Variants in MYLK observed in about 807,000 individuals in gnomAD.
MYLK encodes myosin light chain kinase, smooth muscle.
A neutral mutation model predicts 203.4 loss-of-function variants in MYLK; 106 were observed. That is an observed-to-expected ratio of 0.52 (90% CI 0.45 to 0.61). The LOEUF is 0.61. Among genes scored for constraint, MYLK ranks in the 20% least tolerant of loss-of-function variants. The pLI, the probability that MYLK is intolerant of heterozygous loss-of-function variation, is 0.00. For synonymous variants in MYLK, 867 were observed against 959.5 expected (o/e 0.90, Z 1.78); for missense variants, 2,072 against 2,442.3 (o/e 0.85, Z 3.20).
At chr3:123,761,751 C>T (rs998555704) in intron 4 of MYLK, among the ~76,000 whole-genome samples, 2 of 152,172 alleles carry the variant, frequency 1.3e-5, no homozygotes, top group African/African-American at 2.4e-5. Flanking sequence ...CTCGGCCAGA[C>T]GCAGTAGCTC....
chr3:123,708,683 G>A lies in MYLK; in HGVS notation c.2140+15C>T, dbSNP rs370641462. The A allele has an allele frequency of 3.3e-5, 53 of 1,613,936 alleles. No homozygotes were observed. In the African/African-American group the frequency reaches 6.3e-4, roughly 19 times the overall value. The stretch of plus-strand genomic sequence containing the variant: ...AGCATCTCCTTCCCACTCGCTCTGA[G>A]TGGGTCAGCCTCACCTTGTACCGTG... On this transcript the variant is annotated intron_variant, in intron 15 of 33. Transcript: ENST00000360304.
intron 20 of MYLK, 51 bp downstream of exon 20, chr3:123,682,173 G>A (rs41271435): frequency 2.1e-6 from 3 of 1,456,746 alleles, no homozygotes; most frequent in Non-Finnish European, 2.8e-6. Flanking sequence ...AGTCCCCGGG[G>A]TGCCTGCCCC....
Position 123,653,986 on chromosome 3 carries a change from T to TTGGGTGTGTGTGTGTGTGTG in MYLK, c.4288+3139_4288+3140insCACACACACACACACACCCA, listed in dbSNP as rs1553783586. Among the ~76,000 whole-genome samples the TTGGGTGTGTGTGTGTGTGTG allele has an allele frequency of 1.4e-4, 19 of 137,650 alleles. 1 individual carries two copies. Among genetic ancestry groups the TTGGGTGTGTGTGTGTGTGTG allele is most frequent in the Non-Finnish European group, 1.6e-5 (1 of 63,864 alleles). 90.3% of individuals were successfully genotyped at this position (137,650 alleles called of 152,430 possible). ...CCACTCTGCTCATTTCAGAGGGATG[T>TTGGGTGTGTGTGTGTGTGTG]TGTGTGTGTGTGTGTGTGTGTGTGT... On this transcript the variant is annotated intron_variant, in intron 24 of 33. Coordinates refer to ENST00000360304, the MANE Select transcript of MYLK (RefSeq NM_053025.4).
In MYLK at chr3:123,729,838, C is replaced by A. The variant is rs188838581; in HGVS notation, c.1516+3058G>T. On this transcript the variant is annotated intron_variant, in intron 11 of 33. Transcript: ENST00000360304. ...TTGAGGCAGCAATGAGCTATTATCA[C>A]GCCACTGCACTCCAGCCTGGGCAAC... Among the ~76,000 whole-genome samples the A allele has an allele frequency of 8.5e-4, 128 of 150,538 alleles. 1 individual carries two copies. The highest frequency in any genetic ancestry group is 2.9e-3 in the African/African-American group (117 of 40,822).
In MYLK at chr3:123,700,684, G is replaced by A; in HGVS notation, c.2784C>T (p.Asn928=). ...TCTTTGGCTTCACTTGCCGCTGCAG[G>A]TTGGCACGGAAATCCATCTGCTCGG... is the stretch of plus-strand genomic sequence containing the variant. The part of the protein sequence containing the change: ...IPAEQMDFRA[N]LQRQVKPKTV... The change falls in exon 18 of 34, where the codon AAC becomes AAT. Residue 928 remains asparagine, a synonymous_variant. Coordinates refer to ENST00000360304, the MANE Select transcript of MYLK (RefSeq NM_053025.4). The A allele has an allele frequency of 6.2e-7, 1 of 1,614,118 alleles. No homozygotes were observed. Among genetic ancestry groups the A allele is most frequent in the Non-Finnish European group, 8.5e-7 (1 of 1,180,030 alleles).
intron 2 of MYLK, among the ~76,000 whole-genome samples, chr3:123,853,065 G>C (rs547922374): frequency 6.6e-6 from 1 of 152,058 alleles, no homozygotes; most frequent in East Asian, 1.9e-4. Flanking sequence ...TGTCAAAAAA[G>C]CTCCTAAGAA....
chr3:123,791,079 T>TGAC (rs2109088665), intron 4 of MYLK, among the ~76,000 whole-genome samples: 1 of 152,284 alleles, frequency 6.6e-6, no homozygotes, highest in South Asian at 2.1e-4. Flanking sequence ...ACTGGTTCCG[T>TGAC]GACGATTGAG....
chr3:123,766,882 T>G (rs902493991), intron 4 of MYLK, among the ~76,000 whole-genome samples: 1 of 152,268 alleles, frequency 6.6e-6, no homozygotes, highest in Non-Finnish European at 1.5e-5. Flanking sequence ...GGACCCATTG[T>G]GAGCAAACCT....
rs550940591 is a variant in MYLK, at chr3:123,611,920, C to T, written c.*2185G>A. The T allele has an allele frequency of 3.3e-5, 5 of 152,568 alleles. No individual in the cohort carries two copies. Among genetic ancestry groups the T allele is most frequent in the South Asian group, 4.1e-4 (2 of 4,830 alleles). 9.5% of individuals were successfully genotyped at this position (152,568 alleles called of 1,614,324 possible). A position where few individuals can be genotyped will look rare whatever the true frequency, so the allele number is the denominator to read the frequency against. On this transcript the variant is annotated 3_prime_UTR_variant, in exon 34 of 34. Transcript: ENST00000360304. Reference sequence around the variant, plus strand: ...GATCTGACAGGAGGCAGAGCTCAGGCGGTAATGCGAGCAATGGGGATCGGC... The same window carrying T: ...GATCTGACAGGAGGCAGAGCTCAGGTGGTAATGCGAGCAATGGGGATCGGC...
chr3:123,661,879 G>A (rs549992367), intron 23 of MYLK, among the ~76,000 whole-genome samples: 29 of 152,142 alleles, frequency 1.9e-4, no homozygotes, highest in South Asian at 2.1e-4. Flanking sequence ...CTGGGGAGTC[G>A]GGCCAGGGTG....
intron 27 of MYLK, among the ~76,000 whole-genome samples, chr3:123,644,849 G>A (rs558068347): frequency 1.1e-4 from 17 of 152,258 alleles, no homozygotes; most frequent in Admixed American, 5.9e-4. Context: ...ATTCTTCACC[G>A]CGTCTTTTAT....
intron 3 of MYLK, among the ~76,000 whole-genome samples, chr3:123,818,266 C>G (rs143378506): frequency 6.6e-6 from 1 of 152,338 alleles, no homozygotes; most frequent in Admixed American, 6.5e-5. Context: ...ACAGGCATCA[C>G]TTATCCTTTA....
chr3:123,708,032 C>A, intron 15 of MYLK, 29 bp from the exon 16 acceptor site: 1 of 1,613,430 alleles, frequency 6.2e-7, no homozygotes, highest in African/African-American at 1.3e-5. Context: ...CAGAGCTAAA[C>A]AGGGATGTCC....
At chr3:123,732,856 C>T in intron 11 of MYLK, 40 bp downstream of exon 11, 1 of 1,592,922 alleles carries the variant, frequency 6.3e-7, no homozygotes, top group Non-Finnish European at 8.6e-7. Context: ...GAATGGTTGT[C>T]CCACAGAGAA....
chr3:123,686,172 G>A (rs1349725231), intron 19 of MYLK, among the ~76,000 whole-genome samples: 2 of 152,180 alleles, frequency 1.3e-5, no homozygotes, highest in Non-Finnish European at 2.9e-5. Context: ...ATCATTTTGT[G>A]ATGAAATTAA....
intron 18 of MYLK, among the ~76,000 whole-genome samples, chr3:123,694,458 G>A (rs923547038): frequency 6.6e-6 from 1 of 152,154 alleles, no homozygotes; most frequent in South Asian, 2.1e-4. Flanking sequence ...TCATCTGGGT[G>A]GGCGGGAGGA....
intron 7 of MYLK, among the ~76,000 whole-genome samples, chr3:123,738,377 G>A (rs751683884): frequency 6.6e-6 from 1 of 152,084 alleles, no homozygotes; most frequent in African/African-American, 2.4e-5. Flanking sequence ...AATAGGGACA[G>A]GAACATGCAT....
At chr3:123,735,221 C>T (rs1560150250) in intron 9 of MYLK, 177 bp downstream of exon 9, 1 of 833,160 alleles carries the variant, frequency 1.2e-6, no homozygotes, top group Middle Eastern at 2.3e-4. Context: ...GAGATAGAAC[C>T]CGTGTGTCAT....
intron 8 of MYLK, 39 bp from the exon 9 acceptor site, chr3:123,735,455 A>G (rs1311706827): frequency 1.2e-6 from 2 of 1,613,626 alleles, no homozygotes; most frequent in Admixed American, 1.7e-5. Flanking sequence ...TGTTAGTAGA[A>G]TGCTGTATAC....
Sources: allele counts gnomAD v4.1 joint callset (sites outside exome capture counted in the v4.1 genomes callset), GRCh38; gene constraint gnomAD v4.1.1; transcripts MANE v1.5; gene names NCBI Gene and HGNC (gene_info 2026-07-23, HGNC 2026-07-21).